Variants in DHRS7B observed in about 807,000 individuals in gnomAD.
DHRS7B encodes the protein dehydrogenase/reductase 7B.
Under a neutral mutation model 26.4 loss-of-function variants are expected in DHRS7B, and 24 were observed. That is an observed-to-expected ratio of 0.91 (90% CI 0.66 to 1.28). The LOEUF (loss-of-function observed/expected upper bound fraction) is 1.28. DHRS7B is among the 50% of genes most tolerant of loss of function. The probability of loss-of-function intolerance (pLI) is 0.00; values close to 1 mark genes in which losing one functional copy is unlikely to be tolerated. For synonymous variants in DHRS7B, 142 were observed against 166.4 expected (o/e 0.85, Z 1.13); for missense variants, 368 against 419.4 (o/e 0.88, Z 1.07).
chr17:21,190,232 G>T (rs1169522469), intron 6 of DHRS7B, among the ~76,000 whole-genome samples: 1 of 151,886 alleles, frequency 6.6e-6, no homozygotes, highest in Non-Finnish European at 1.5e-5. Context: ...CCTGCCAGCT[G>T]GTCCTACTTT....
chr17:21,150,123 A>C (rs796458905), intron 1 of DHRS7B, among the ~76,000 whole-genome samples: 133 of 120,668 alleles, frequency 1.1e-3, no homozygotes, highest in African/African-American at 2.8e-3. Context: ...AAAAAAAAAA[A>C]AAAAAAAAAC....
chr17:21,175,176 G>C (rs1974347276), intron 2 of DHRS7B, among the ~76,000 whole-genome samples: 1 of 152,196 alleles, frequency 6.6e-6, no homozygotes. Flanking sequence ...GGAGCACACG[G>C]AGGCTTCACA....
chr17:21,132,446 G>A (rs1227413398), intron 1 of DHRS7B, among the ~76,000 whole-genome samples: 2 of 147,936 alleles, frequency 1.4e-5, no homozygotes, highest in African/African-American at 2.5e-5. Flanking sequence ...TGGGAGGATC[G>A]CTTGAACCTG....
chr17:21,160,783 C>A (rs1973983386), intron 1 of DHRS7B, among the ~76,000 whole-genome samples: 1 of 152,068 alleles, frequency 6.6e-6, no homozygotes, highest in Admixed American at 6.5e-5. Flanking sequence ...ATGTTTATAG[C>A]AGCTTTATTC....
At chr17:21,166,794 A>G (rs767545581) in intron 1 of DHRS7B, among the ~76,000 whole-genome samples, 86 of 152,082 alleles carry the variant, frequency 5.7e-4, no homozygotes, top group Middle Eastern at 6.3e-3. Context: ...TTCCAGTTGG[A>G]ACTCCTCTCT....
At chr17:21,154,027 G>T (rs1973828791) in intron 1 of DHRS7B, among the ~76,000 whole-genome samples, 1 of 152,186 alleles carries the variant, frequency 6.6e-6, no homozygotes, top group African/African-American at 2.4e-5. Context: ...TTACATCTAG[G>T]TTGGGCATGG....
chr17:21,138,075 A>AAAAAAAAAAAAT (rs1238830544), intron 1 of DHRS7B, among the ~76,000 whole-genome samples: 5 of 33,238 alleles, frequency 1.5e-4, no homozygotes, highest in African/African-American at 7.0e-4. Flanking sequence ...TTAAAAAAAA[A>AAAAAAAAAAAAT]ATATATATAT....
At chr17:21,157,419 A>G (rs1228412796) in intron 1 of DHRS7B, among the ~76,000 whole-genome samples, 1 of 152,184 alleles carries the variant, frequency 6.6e-6, no homozygotes. Flanking sequence ...AAATCAGGCT[A>G]GGCACAGTGC....
At chr17:21,153,403 A>G (rs2144011479) in intron 1 of DHRS7B, among the ~76,000 whole-genome samples, 1 of 152,368 alleles carries the variant, frequency 6.6e-6, no homozygotes, top group South Asian at 2.1e-4. Flanking sequence ...GAAATGTGAG[A>G]TAACTACAAA....
chr17:21,173,161 A>ACGGT (rs1974299090), intron 2 of DHRS7B, among the ~76,000 whole-genome samples: 1 of 152,266 alleles, frequency 6.6e-6, no homozygotes, highest in East Asian at 1.9e-4. Flanking sequence ...CAAGGAGGTC[A>ACGGT]CGGTCGTCTG....
intron 1 of DHRS7B, among the ~76,000 whole-genome samples, chr17:21,157,545 T>A (rs1392798270): frequency 6.6e-6 from 1 of 152,024 alleles, no homozygotes; most frequent in Non-Finnish European, 1.5e-5. Context: ...AATAATAAAA[T>A]CAGCCAGGTG....
intron 4 of DHRS7B, 107 bp downstream of exon 4, chr17:21,183,917 C>T (rs1226099334): frequency 1.0e-6 from 1 of 966,416 alleles, no homozygotes; most frequent in Non-Finnish European, 1.6e-6. Context: ...CTCTCTGTTG[C>T]CCTGGAGTGG....
intron 1 of DHRS7B, chr17:21,128,442 A>G (rs534232801): frequency 1.3e-5 from 2 of 152,390 alleles, no homozygotes; most frequent in African/African-American, 4.8e-5. Context: ...TCACGCCTGT[A>G]TTTCCAGCAC....
intron 2 of DHRS7B, among the ~76,000 whole-genome samples, chr17:21,173,070 G>A (rs1974296931): frequency 1.3e-5 from 2 of 152,244 alleles, no homozygotes; most frequent in South Asian, 4.1e-4. Context: ...AGCTCAGCTG[G>A]AGCTGATGGA....
At chr17:21,190,911 C>T in intron 6 of DHRS7B, 37 bp from the exon 7 acceptor site, 2 of 1,609,162 alleles carry the variant, frequency 1.2e-6, no homozygotes, top group Non-Finnish European at 1.7e-6. Context: ...ACCTCTGCTT[C>T]CAAGTTCATG....
chr17:21,159,035 G>A (rs1289901123), intron 1 of DHRS7B, among the ~76,000 whole-genome samples: 2 of 151,616 alleles, frequency 1.3e-5, no homozygotes, highest in Non-Finnish European at 2.9e-5. Flanking sequence ...AGACCTAAAT[G>A]TAAAATGCAA....
chr17:21,178,145 G>A (rs965100417), intron 2 of DHRS7B, 88 bp from the exon 3 acceptor site: 232 of 1,275,570 alleles, frequency 1.8e-4, no homozygotes, highest in Admixed American at 3.3e-4. Flanking sequence ...TGTGAAGGGT[G>A]TGAAGCAGCA....
chr17:21,128,873 TA>T (rs58855834), intron 1 of DHRS7B: 44,439 of 112,756 alleles, frequency 0.39, 7,682 homozygotes, highest in Middle Eastern at 0.5. Context: ...GACTCCGTCT[TA>T]AAAAAAAAAA....
In DHRS7B at chr17:21,190,890, C is replaced by T. The variant is rs1974762184; in HGVS notation, c.773-58C>T. Reference sequence around the variant, plus strand: ...CCTGACGACTCACATCAGCTCCACTCCTCAAGAGGGACCTCTGCTTCCAAG... The same window carrying T: ...CCTGACGACTCACATCAGCTCCACTTCTCAAGAGGGACCTCTGCTTCCAAG... On this transcript the variant is annotated intron_variant, in intron 6 of 6. Coordinates refer to ENST00000395511, the MANE Select transcript of DHRS7B (RefSeq NM_015510.5). The T allele has an allele frequency of 2.1e-5, 33 of 1,586,682 alleles. 1 individual carries two copies. The South Asian group carries it at 3.6e-4, about 17-fold the overall frequency.
Sources: allele counts gnomAD v4.1 joint callset (sites outside exome capture counted in the v4.1 genomes callset), GRCh38; gene constraint gnomAD v4.1.1; transcripts MANE v1.5; gene names NCBI Gene and HGNC (gene_info 2026-07-23, HGNC 2026-07-21).